The following ADH4 variants were observed in gnomAD, a reference collection of about 807,000 sequenced individuals.
ADH4 encodes the protein alcohol dehydrogenase 4 (class II), pi polypeptide, also known as all-trans-retinol dehydrogenase [NAD(+)] ADH4.
In ADH4, 31 loss-of-function variants were observed where a neutral mutation model predicts 35.2. The ratio of observed to expected loss-of-function variants is 0.88; its 90% CI spans 0.66 to 1.19. The LOEUF is 1.19. Ranked by LOEUF, ADH4 falls within the 50% of genes most tolerant of loss-of-function variation. The pLI, the probability that ADH4 is intolerant of heterozygous loss-of-function variation, is 0.00. For synonymous variants in ADH4, 171 were observed against 160.2 expected (o/e 1.07, Z -0.51); for missense variants, 476 against 458.3 (o/e 1.04, Z -0.35).
chr4:99,130,154 A>G (rs993096575), intron 6 of ADH4, among the ~76,000 whole-genome samples: 1 of 152,172 alleles, frequency 6.6e-6, no homozygotes, highest in Non-Finnish European at 1.5e-5. Flanking sequence ...TTGATGATTT[A>G]TTTGGCTAAA....
chr4:99,137,020 G>A (rs1013520082), intron 4 of ADH4, among the ~76,000 whole-genome samples: 70 of 151,990 alleles, frequency 4.6e-4, no homozygotes, highest in Admixed American at 5.2e-4. Flanking sequence ...CACAATCTCC[G>A]TTCACCGCAA....
intron 7 of ADH4, 108 bp downstream of exon 7, chr4:99,127,101 T>G: frequency 1.2e-6 from 1 of 857,822 alleles, no homozygotes; most frequent in Non-Finnish European, 1.8e-6. Context: ...GCTCTAGGGA[T>G]TCAATGGTTG....
At chr4:99,132,769 A>G (rs1214889565) in intron 5 of ADH4, among the ~76,000 whole-genome samples, 4 of 152,184 alleles carry the variant, frequency 2.6e-5, no homozygotes, top group Admixed American at 2.6e-4. Context: ...TGAGGATGCA[A>G]AGCTGTTAGG....
rs1426297825 is a variant in ADH4, at chr4:99,144,288, G to A, written c.-66C>T. On this transcript the variant is annotated 5_prime_UTR_variant, in exon 1 of 9. Transcript: ENST00000265512. ...AAGAAAGCTTCAAACTCCTACCCAG[G>A]GAGTTCCGTGTCCTATAATGAGCTG... The A allele has an allele frequency of 6.8e-7, 1 of 1,479,112 alleles. No individual in the cohort carries two copies. Among genetic ancestry groups the A allele is most frequent in the East Asian group, 2.3e-5 (1 of 44,210 alleles). The allele number at this position is 1,479,112 out of a possible 1,614,324, so 91.6% of individuals were successfully genotyped here.
At chr4:99,129,239 TA>T (rs1560775849) in intron 6 of ADH4, among the ~76,000 whole-genome samples, 1 of 151,950 alleles carries the variant, frequency 6.6e-6, no homozygotes, top group Non-Finnish European at 1.5e-5. Flanking sequence ...AAAGGGTTAT[TA>T]AAAAAGAATA....
intron 2 of ADH4, among the ~76,000 whole-genome samples, chr4:99,142,026 A>G (rs76851708): frequency 0.012 from 1,866 of 152,322 alleles, 29 homozygotes; most frequent in African/African-American, 0.041. Flanking sequence ...ACAATATCAA[A>G]TCAAGGATTG....
At chr4:99,140,215 T>C (rs186813470) in intron 3 of ADH4, among the ~76,000 whole-genome samples, 101 of 152,372 alleles carry the variant, frequency 6.6e-4, no homozygotes, top group Admixed American at 6.4e-3. Context: ...TTTACATAGT[T>C]TGCTGTTAAT....
intron 1 of ADH4, 116 bp downstream of exon 1, chr4:99,144,089 C>G: frequency 8.1e-7 from 1 of 1,235,476 alleles, no homozygotes; most frequent in Non-Finnish European, 1.2e-6. Flanking sequence ...CACTCATATC[C>G]TTTTGATCAA....
rs1729730853 is a variant in ADH4 at position 99,144,226 on chromosome 4, T to G, written c.-4A>C. On this transcript the variant is annotated 5_prime_UTR_variant, in exon 1 of 9. Coordinates refer to ENST00000265512, the MANE Select transcript of ADH4 (RefSeq NM_000670.5). ...TTACTTTGCCCTTGGTGCCCATTTT[T>G]CTTTGGGAAACTGTGTTGGAAGTTT... is the stretch of plus-strand genomic sequence containing the variant. 1 of 1,613,606 alleles carries G rather than the reference T, an allele frequency of 6.2e-7. No individual in the cohort carries two copies. The highest frequency in any genetic ancestry group is 8.5e-7 in the Non-Finnish European group (1 of 1,179,546).
chr4:99,131,814 T>C (rs542242724), intron 5 of ADH4, 50 bp from the exon 6 acceptor site: 1 of 1,572,056 alleles, frequency 6.4e-7, no homozygotes, highest in South Asian at 1.2e-5. Context: ...CAGTCCCACT[T>C]TTTTTCTTTT....
Position 99,127,211 on chromosome 4 carries a change from C to G in ADH4, c.977G>C (p.Gly326Ala). Residue 326 changes from glycine to alanine, a missense_variant and splice_region_variant, in exon 7 of 9, where the codon GGT becomes GCT. Coordinates refer to ENST00000265512, the MANE Select transcript of ADH4 (RefSeq NM_000670.5). Reference sequence around the variant, plus strand: ...CTATGAAGAAAAAAAAAACTGACCACCAAAGAATGTTCCATTTATAGTACG... The same window carrying G: ...CTATGAAGAAAAAAAAAACTGACCAGCAAAGAATGTTCCATTTATAGTACG... Reference protein sequence around the residue: ...IGRTINGTFFGGWKSVDSIPK... With the variant: ...IGRTINGTFFAGWKSVDSIPK... 6.3e-7 allele frequency: 1 copy of G among 1,596,100 alleles called. No homozygotes were observed. The highest frequency in any genetic ancestry group is 8.5e-7 in the Non-Finnish European group (1 of 1,173,554).
chr4:99,137,700 A>G (rs1729490954), intron 4 of ADH4, among the ~76,000 whole-genome samples: 1 of 152,208 alleles, frequency 6.6e-6, no homozygotes. Flanking sequence ...ATGAACCCTT[A>G]TGTGTCCATG....
intron 2 of ADH4, among the ~76,000 whole-genome samples, chr4:99,142,159 C>T (rs1729645316): frequency 6.6e-6 from 1 of 152,154 alleles, no homozygotes; most frequent in Non-Finnish European, 1.5e-5. Context: ...TAAGCCTGGT[C>T]AGCTTGGGAA....
rs754440254 is a variant in ADH4 at position 99,126,618 on chromosome 4, A to T, written c.1094T>A (p.Phe365Tyr). 5 of 1,608,384 alleles carry T rather than the reference A, an allele frequency of 3.1e-6. No homozygotes were observed. Among genetic ancestry groups the T allele is most frequent in the Non-Finnish European group, 4.3e-6 (5 of 1,175,980 alleles). The change falls in exon 8 of 9, where the codon TTT (phenylalanine) becomes TAT (tyrosine). Residue 365 changes from phenylalanine to tyrosine, a missense_variant. Transcript: ENST00000265512. ...CCTTTTTCCTTGGTTCATTAGGTCA[A>T]ATGCCTCACTGATTTTGTCAAAAGG... Reference protein sequence around the residue: ...TLPFDKISEAFDLMNQGKSVR... With the variant: ...TLPFDKISEAYDLMNQGKSVR...
In ADH4 at chr4:99,142,748, T is replaced by G. The variant is rs144133191; in HGVS notation, c.51A>C (p.Glu17Asp). The change falls in exon 2 of 9, where the codon GAA becomes GAC. Residue 17 changes from glutamate (E) to aspartate (D), a missense_variant. Transcript: ENST00000265512. ...CTTCAATGCAAAGGGGCTTGCCTGC[T>G]TCCCAGGCGATGGCTGCTTTGCATT... ...VIKCKAAIAW[E>D]AGKPLCIEEV... The G allele has an allele frequency of 2.5e-5, 40 of 1,605,046 alleles. No homozygotes were observed. The highest frequency in any genetic ancestry group is 3.1e-5 in the Non-Finnish European group (36 of 1,176,744).
chr4:99,128,582 A>C (rs1279068304), intron 6 of ADH4, among the ~76,000 whole-genome samples: 4 of 152,198 alleles, frequency 2.6e-5, no homozygotes, highest in Non-Finnish European at 5.9e-5. Context: ...TGTGTAATAT[A>C]AAATCTGAAA....
intron 4 of ADH4, among the ~76,000 whole-genome samples, chr4:99,138,579 A>T (rs950500383): frequency 2.0e-5 from 3 of 152,100 alleles, no homozygotes; most frequent in South Asian, 2.1e-4. Context: ...TATTATTCTG[A>T]ATTTGGCATT....
rs778645876 is a variant in ADH4, at chr4:99,131,497, T to C, written c.843+7A>G. The C allele has an allele frequency of 6.2e-6, 10 of 1,610,634 alleles. No homozygotes were observed. The Admixed American group carries it at 1.3e-4, about 22-fold the overall frequency. ...GAAAATATGATCCAAGAACAAAATA[T>C]ACATACCATGGTTTCAGATCCACCT... On this transcript the variant is annotated splice_region_variant and intron_variant, in intron 6 of 8. Coordinates refer to ENST00000265512, the MANE Select transcript of ADH4 (RefSeq NM_000670.5).
chr4:99,136,524 ACT>A lies in ADH4; in HGVS notation c.522_523del (p.Arg174SerfsTer44), dbSNP rs757321530. ...TGAAAACCCACATCCAAGCAGACAA[ACT>A]CTCTCTAAATTTGCATCATCATCTA... is the stretch of plus-strand genomic sequence containing the variant. On this transcript the variant is annotated frameshift_variant, in exon 5 of 9. Coordinates refer to ENST00000265512, the MANE Select transcript of ADH4 (RefSeq NM_000670.5). LOFTEE classifies it high-confidence loss of function. The A allele has an allele frequency of 6.8e-6, 11 of 1,613,842 alleles. No individual in the cohort carries two copies. The highest frequency in any genetic ancestry group is 1.7e-6 in the Non-Finnish European group (2 of 1,179,988).
Sources: gnomAD v4.1 joint callset for allele counts (sites outside exome capture counted in the v4.1 genomes callset) on GRCh38, gnomAD v4.1.1 for gene constraint, MANE v1.5 for transcripts, NCBI Gene and HGNC (gene_info 2026-07-23, HGNC 2026-07-21) for gene names.